Variants in PDPR observed in about 807,000 individuals in gnomAD.
PDPR encodes pyruvate dehydrogenase phosphatase regulatory subunit.
PDPR carries 50 observed loss-of-function variants against 102.2 expected under a neutral mutation model. The ratio of observed to expected loss-of-function variants is 0.49; its 90% CI spans 0.39 to 0.62. The LOEUF (loss-of-function observed/expected upper bound fraction) is 0.62, where lower values mean the gene tolerates loss of function less well. PDPR is among the 20% of genes least tolerant of loss of function. The pLI, the probability that PDPR is intolerant of heterozygous loss-of-function variation, is 0.00. For synonymous variants in PDPR, 259 were observed against 406.0 expected (o/e 0.64, Z 4.35); for missense variants, 625 against 1,098.2 (o/e 0.57, Z 6.09).
At chr16:70,137,106 A>C (rs1451611167) in intron 10 of PDPR, among the ~76,000 whole-genome samples, 1 of 152,060 alleles carries the variant, frequency 6.6e-6, no homozygotes, top group African/African-American at 2.4e-5. Context: ...TAATCCCAGC[A>C]CTTTGGGAGG....
In PDPR at chr16:70,132,737, CCTTGG is replaced by C. The variant is rs1404549799; in HGVS notation, c.997+439_997+443del. Among the ~76,000 whole-genome samples the C allele has an allele frequency of 2.6e-5, 4 of 152,282 alleles. No homozygotes were observed. The East Asian group carries it at 7.7e-4, about 29-fold the overall frequency. On this transcript the variant is annotated intron_variant, in intron 9 of 18. Transcript: ENST00000288050. ...TCCAAGGCTCAAGTGATCCCTTTCA[CCTTGG>C]CCTCCCAAAGTGCTAAGATTACAGA...
intron 4 of PDPR, among the ~76,000 whole-genome samples, chr16:70,128,188 A>G (rs1437817582): frequency 6.6e-6 from 1 of 152,074 alleles, no homozygotes; most frequent in Non-Finnish European, 1.5e-5. Context: ...AAAGGTGGGA[A>G]GAATAGGGAT....
chr16:70,162,267 G>GT lies in PDPR; in HGVS notation c.*5391dup, dbSNP rs1277169894. 3.3e-5 allele frequency: 5 copies of GT among 152,644 alleles called. No individual in the cohort carries two copies. The highest frequency in any genetic ancestry group is 1.2e-4 in the African/African-American group (5 of 41,478). 9.5% of individuals were successfully genotyped at this position (152,644 alleles called of 1,614,324 possible). A position where few individuals can be genotyped will look rare whatever the true frequency, so the allele number is the denominator to read the frequency against. On this transcript the variant is annotated 3_prime_UTR_variant, in exon 19 of 19. Transcript: ENST00000288050. Reference sequence around the variant, plus strand: ...CTACTGTAGAGTCCTGTGACTCATCGTTTGTGTTTGTCAATTTGCAGTTCA... The same window carrying GT: ...CTACTGTAGAGTCCTGTGACTCATCGTTTTGTGTTTGTCAATTTGCAGTTCA...
intron 10 of PDPR, 63 bp from the exon 11 acceptor site, chr16:70,138,836 G>T: frequency 1.2e-6 from 2 of 1,604,830 alleles, no homozygotes; most frequent in African/African-American, 1.3e-5. Context: ...TTCTCGATTT[G>T]TAGAATATTA....
Position 70,157,123 on chromosome 16 carries a change from G to C in PDPR, c.*244G>C. 1.4e-6 allele frequency: 1 copy of C among 699,684 alleles called. No homozygotes were observed. The highest frequency in any genetic ancestry group is 2.6e-6 in the Non-Finnish European group (1 of 390,750). The allele number at this position is 699,684 out of a possible 1,614,324, so 43.3% of individuals were successfully genotyped here. ...TTCTTCCCTTCCCACCCCTCACTCA[G>C]CTTCTCGTGGTGGCAGGAGGTATGT... On this transcript the variant is annotated 3_prime_UTR_variant, in exon 19 of 19. Transcript: ENST00000288050.
chr16:70,141,199 G>A (rs1337683001), intron 11 of PDPR, among the ~76,000 whole-genome samples: 14 of 152,266 alleles, frequency 9.2e-5, no homozygotes, highest in South Asian at 4.2e-4. Flanking sequence ...GATTACAGGC[G>A]CCTGCCACCA....
At chr16:70,115,758 ATTC>A (rs1251706307) in intron 2 of PDPR, among the ~76,000 whole-genome samples, 9 of 152,060 alleles carry the variant, frequency 5.9e-5, no homozygotes, top group Admixed American at 2.0e-4. Context: ...AGCAGAAGTT[ATTC>A]TTCTTAGCAG....
chr16:70,126,308 A>G (rs1440447201), intron 3 of PDPR, among the ~76,000 whole-genome samples: 1 of 152,244 alleles, frequency 6.6e-6, no homozygotes, highest in African/African-American at 2.4e-5. Context: ...AACTTTTGGG[A>G]TCAAGGGATC....
chr16:70,130,910 T>G (rs1459403714), intron 7 of PDPR, among the ~76,000 whole-genome samples: 13 of 152,294 alleles, frequency 8.5e-5, no homozygotes, highest in Non-Finnish European at 1.8e-4. Flanking sequence ...GGACACTGCT[T>G]CTTTTAAAGC....
chr16:70,154,115 C>T (rs557807575), intron 18 of PDPR, among the ~76,000 whole-genome samples: 1 of 152,228 alleles, frequency 6.6e-6, no homozygotes, highest in Non-Finnish European at 1.5e-5. Context: ...GAGATCACGC[C>T]ACTGCACTCC....
intron 18 of PDPR, among the ~76,000 whole-genome samples, 200 bp downstream of exon 18, chr16:70,153,773 T>C (rs1159744568): frequency 1.3e-5 from 2 of 152,270 alleles, no homozygotes; most frequent in East Asian, 3.8e-4. Flanking sequence ...AACATAATAA[T>C]GGTGGCTCAC....
Position 70,157,411 on chromosome 16 carries a change from C to T in PDPR, c.*532C>T, listed in dbSNP as rs1235396179. 9 of 359,216 alleles carry T rather than the reference C, an allele frequency of 2.5e-5. No homozygotes were observed. Among genetic ancestry groups the T allele is most frequent in the African/African-American group, 1.9e-4 (9 of 46,744 alleles). 22.3% of individuals were successfully genotyped at this position (359,216 alleles called of 1,614,324 possible). A position where few individuals can be genotyped will look rare whatever the true frequency, so the allele number is the denominator to read the frequency against. Reference sequence around the variant, plus strand: ...CTGTGCTGTGGGCTGGCACTCGATACCTCTGGCAAGAGGATGATTATCTAC... The same window carrying T: ...CTGTGCTGTGGGCTGGCACTCGATATCTCTGGCAAGAGGATGATTATCTAC... On this transcript the variant is annotated 3_prime_UTR_variant, in exon 19 of 19. Transcript: ENST00000288050.
chr16:70,114,661 G>T (rs1271049371), intron 1 of PDPR, among the ~76,000 whole-genome samples, 160 bp from the exon 2 acceptor site: 1 of 152,208 alleles, frequency 6.6e-6, no homozygotes, highest in Non-Finnish European at 1.5e-5. Context: ...TTGTGTTCTC[G>T]GCTACCCCTG....
intron 10 of PDPR, among the ~76,000 whole-genome samples, chr16:70,137,614 C>G (rs1255530170): frequency 1.2e-4 from 18 of 152,226 alleles, no homozygotes. Context: ...GTGAATGTAC[C>G]CACTGCCACT....
At chr16:70,117,644 C>CA (rs1476537471) in intron 2 of PDPR, among the ~76,000 whole-genome samples, 1 of 152,202 alleles carries the variant, frequency 6.6e-6, no homozygotes, top group Non-Finnish European at 1.5e-5. Flanking sequence ...ATAGAACACT[C>CA]ACGCCTCACC....
intron 18 of PDPR, 31 bp downstream of exon 18, chr16:70,153,604 T>G: frequency 6.4e-7 from 1 of 1,561,072 alleles, no homozygotes; most frequent in Non-Finnish European, 8.7e-7. Context: ...CCACTTTCAC[T>G]CAGCATCCCG....
chr16:70,126,314 G>A (rs1416294912), intron 3 of PDPR, among the ~76,000 whole-genome samples: 1 of 152,230 alleles, frequency 6.6e-6, no homozygotes, highest in Non-Finnish European at 1.5e-5. Flanking sequence ...TGGGATCAAG[G>A]GATCTTCTTG....
intron 9 of PDPR, among the ~76,000 whole-genome samples, chr16:70,133,440 A>C (rs1224414299): frequency 4.2e-4 from 4 of 9,572 alleles, no homozygotes; most frequent in African/African-American, 1.5e-3. Context: ...TTTTTGAGAT[A>C]AGAGTCTTGC....
intron 3 of PDPR, among the ~76,000 whole-genome samples, chr16:70,124,150 G>A (rs111940631): frequency 0.076 from 11,285 of 148,212 alleles, 1 homozygote; most frequent in Non-Finnish European, 0.11. Context: ...ATCACCTGAG[G>A]TCGGGAGTTC....
Sources: allele counts gnomAD v4.1 joint callset (sites outside exome capture counted in the v4.1 genomes callset), GRCh38; gene constraint gnomAD v4.1.1; transcripts MANE v1.5; gene names NCBI Gene and HGNC (gene_info 2026-07-23, HGNC 2026-07-21).